IRS2: variants seen among roughly 807,000 people sequenced by gnomAD.
IRS2 encodes the protein insulin receptor substrate 2.
IRS2 carries 28 observed loss-of-function variants against 70.9 expected under a neutral mutation model. The observed-to-expected ratio is 0.39, with a 90% CI of 0.29 to 0.54. IRS2 has a LOEUF of 0.54. IRS2 is among the 20% of genes least tolerant of loss of function. The probability of loss-of-function intolerance (pLI) is 0.59; values close to 1 mark genes in which losing one functional copy is unlikely to be tolerated. For synonymous variants in IRS2, 1,217 were observed against 981.9 expected, an observed-to-expected ratio of 1.24 and a Z score of -4.48; for missense variants, 2,081 against 2,024.1, an observed-to-expected ratio of 1.03 and a Z score of -0.54.
rs765890903 is a variant in IRS2, at chr13:109,784,443, A to G, written c.1611T>C (p.Gly537=). ...TPPARDGGGG[G]EFYGYMTMDR... ...CCATGGTCATGTACCCGTAGAACTC[A>G]CCGCCGCCGCCGCCGTCTCGGGCCG... The change falls in exon 1 of 2, where the codon GGT becomes GGC. Residue 537 remains glycine, a synonymous_variant. Transcript: ENST00000375856. This position sits in a 1 kb window ranked among gnomAD's most constrained non-coding sequence, Gnocchi z 5.2. The G allele has an allele frequency of 6.3e-6, 10 of 1,583,538 alleles. No individual in the cohort carries two copies. In the African/African-American group the frequency reaches 9.5e-5, roughly 15 times the overall value.
At chr13:109,761,795 G>A (rs1313420600) in intron 1 of IRS2, among the ~76,000 whole-genome samples, 1 of 152,132 alleles carries the variant, frequency 6.6e-6, no homozygotes, top group Non-Finnish European at 1.5e-5. Context: ...TTTTCTATGA[G>A]CTCATCACTT....
chr13:109,764,790 T>G (rs1877300188), intron 1 of IRS2, among the ~76,000 whole-genome samples: 1 of 152,212 alleles, frequency 6.6e-6, no homozygotes, highest in Non-Finnish European at 1.5e-5. Context: ...CAACCACAAC[T>G]GCAAGCAGCA....
intron 1 of IRS2, among the ~76,000 whole-genome samples, chr13:109,766,740 G>A (rs561770012): frequency 4.4e-5 from 5 of 112,956 alleles, no homozygotes; most frequent in African/African-American, 1.2e-4. Context: ...CAAGCATGTA[G>A]ATATCCCAGC....
At chr13:109,759,766 T>G (rs537957816) in intron 1 of IRS2, among the ~76,000 whole-genome samples, 1 of 152,226 alleles carries the variant, frequency 6.6e-6, no homozygotes. Context: ...GAGGGCTCTC[T>G]GTAGTTCACA....
rs1012083672 is a variant in IRS2 at position 109,754,817 on chromosome 13, T to A, written c.*1487A>T. 4 of 191,998 alleles carry A rather than the reference T, an allele frequency of 2.1e-5. No individual in the cohort carries two copies. Among genetic ancestry groups the A allele is most frequent in the Non-Finnish European group, 3.3e-5 (3 of 91,900 alleles). 11.9% of individuals were successfully genotyped at this position (191,998 alleles called of 1,614,324 possible). ...ATGCATTATTCTATAGCGATAGATA[T>A]CTATTATATATTTATATATATTTTT... On this transcript the variant is annotated 3_prime_UTR_variant, in exon 2 of 2. Transcript: ENST00000375856.
At chr13:109,770,420 G>C (rs538534221) in intron 1 of IRS2, among the ~76,000 whole-genome samples, 1 of 152,182 alleles carries the variant, frequency 6.6e-6, no homozygotes, top group Non-Finnish European at 1.5e-5. Flanking sequence ...TCTAGGAATC[G>C]GGATAGCAGC....
intron 1 of IRS2, among the ~76,000 whole-genome samples, chr13:109,765,529 A>ATCC (rs1877317645): frequency 1.5e-5 from 2 of 137,574 alleles, no homozygotes; most frequent in South Asian, 2.5e-4. Context: ...TCCCAGCCTC[A>ATCC]ACCACCCTGA....
chr13:109,777,755 T>C (rs1396725203), intron 1 of IRS2, among the ~76,000 whole-genome samples: 1 of 152,186 alleles, frequency 6.6e-6, no homozygotes, highest in East Asian at 1.9e-4. Flanking sequence ...TAAAAACCAG[T>C]AATAAAAGGT....
chr13:109,776,637 A>G (rs1355823089), intron 1 of IRS2, among the ~76,000 whole-genome samples: 2 of 152,216 alleles, frequency 1.3e-5, no homozygotes, highest in East Asian at 3.8e-4. Context: ...CTCTTTCTAC[A>G]CTAACCTTCA....
chr13:109,775,796 AC>A (rs1171951659), intron 1 of IRS2, among the ~76,000 whole-genome samples: 2 of 137,962 alleles, frequency 1.4e-5, no homozygotes, highest in South Asian at 2.4e-4. Context: ...ACACACACAC[AC>A]ACCAGCCCCA....
intron 1 of IRS2, among the ~76,000 whole-genome samples, chr13:109,764,118 G>A (rs1877285434): frequency 6.6e-6 from 1 of 152,142 alleles, no homozygotes; most frequent in African/African-American, 2.4e-5. Context: ...TGAAGCGCAG[G>A]CTCTCTTTGC....
chr13:109,783,073 G>A lies in IRS2; in HGVS notation c.2981C>T (p.Pro994Leu), dbSNP rs1049519615. The A allele has an allele frequency of 4.3e-6, 6 of 1,379,824 alleles. No homozygotes were observed. Among genetic ancestry groups the A allele is most frequent in the African/African-American group, 1.5e-5 (1 of 65,656 alleles). The allele number at this position is 1,379,824 out of a possible 1,614,324, so 85.5% of individuals were successfully genotyped here. A position where few individuals can be genotyped will look rare whatever the true frequency, so the allele number is the denominator to read the frequency against. Residue 994 changes from proline (P) to leucine (L), a missense_variant, in exon 1 of 2, where the codon CCG becomes CTG. Pro to Leu is a moderately conservative substitution (Grantham distance 98). Coordinates refer to ENST00000375856, the MANE Select transcript of IRS2 (RefSeq NM_003749.3). ...SSPKSPKPGA[P>L]SGHPVGSLDG... Reference sequence around the variant, plus strand: ...CAAGGAGCCCACGGGGTGGCCGCTCGGGGCGCCCGGCTTAGGAGACTTGGG... The same window carrying A: ...CAAGGAGCCCACGGGGTGGCCGCTCAGGGCGCCCGGCTTAGGAGACTTGGG...
Position 109,783,595 on chromosome 13 carries a change from C to A in IRS2, c.2459G>T (p.Ser820Ile). 1.3e-6 allele frequency: 2 copies of A among 1,546,000 alleles called. No individual in the cohort carries two copies. The highest frequency in any genetic ancestry group is 8.7e-7 in the Non-Finnish European group (1 of 1,143,696). Residue 820 changes from serine to isoleucine, a missense_variant, in exon 1 of 2, where the codon AGC (serine) becomes ATC (isoleucine). Ser to Ile is a moderately radical substitution (Grantham distance 142). Transcript: ENST00000375856. ...YKAPYTCGGD[S>I]DQYVLMSSPV... ...GGAGCTCATGAGCACGTACTGGTCG[C>A]TGTCCCCGCCACAGGTGTAGGGGGC...
At position 109,784,754 on chromosome 13, in the gene IRS2, G is replaced by A. The variant is rs1877860938; in HGVS notation, c.1300C>T (p.Pro434Ser). 2.4e-6 allele frequency: 3 copies of A among 1,240,430 alleles called. No individual in the cohort carries two copies. The East Asian group carries it at 1.0e-4, about 42-fold the overall frequency. 76.8% of individuals were successfully genotyped at this position (1,240,430 alleles called of 1,614,324 possible). Reference protein sequence around the residue: ...ALQHSRSMSMPVAHSPPAATS... With the variant: ...ALQHSRSMSMSVAHSPPAATS... ...GCGGCGGGCGGCGAGTGCGCCACGG[G>A]CATGGACATGGAGCGGCTGTGTTGC... The change falls in exon 1 of 2, where the codon CCC becomes TCC. Residue 434 changes from proline to serine, a missense_variant. Around this residue, in one of 4 missense-constraint regions of IRS2, gnomAD observed 1,615 missense variants for 1,459.5 expected, o/e 1.11. Transcript: ENST00000375856. This position sits in a 1 kb window ranked among gnomAD's most constrained non-coding sequence, Gnocchi z 5.2.
Position 109,781,598 on chromosome 13 carries a change from C to T in IRS2, c.4012+444G>A, listed in dbSNP as rs375020139. ...ACCAAGAATCAGGCGGAGCCCAGCT[C>T]CAGGAACACAGGGAAAGGTGAAAGC... On this transcript the variant is annotated intron_variant, in intron 1 of 1. Transcript: ENST00000375856. Among the ~76,000 whole-genome samples, 5 of 152,296 alleles carry T rather than the reference C, an allele frequency of 3.3e-5. No individual in the cohort carries two copies. In the South Asian group the frequency reaches 8.3e-4, roughly 25 times the overall value.
Position 109,783,226 on chromosome 13 carries a change from G to A in IRS2, c.2828C>T (p.Ala943Val), listed in dbSNP as rs2138932046. The A allele has an allele frequency of 6.9e-7, 1 of 1,442,134 alleles. No homozygotes were observed. The highest frequency in any genetic ancestry group is 9.1e-7 in the Non-Finnish European group (1 of 1,100,466). The allele number at this position is 1,442,134 out of a possible 1,614,324, so 89.3% of individuals were successfully genotyped here. The part of the protein sequence containing the change: ...PPAPPLLASA[A>V]SSSSLLSASS... ...GGCGGACAAGAGCGAGGAGGACGAGGCCGCCGACGCCAGCAGGGGAGGCGC... is the reference window on the plus strand; with the variant it reads ...GGCGGACAAGAGCGAGGAGGACGAGACCGCCGACGCCAGCAGGGGAGGCGC... Residue 943 changes from alanine to valine, a missense_variant, in exon 1 of 2, where the codon GCC becomes GTC. Transcript: ENST00000375856.
chr13:109,775,910 G>C (rs1418592542), intron 1 of IRS2, among the ~76,000 whole-genome samples: 3 of 152,158 alleles, frequency 2.0e-5, no homozygotes, highest in African/African-American at 2.4e-5. Flanking sequence ...AGCACTTTGA[G>C]AGGCTGAGGC....
At chr13:109,772,781 C>T (rs1447089578) in intron 1 of IRS2, among the ~76,000 whole-genome samples, 3 of 151,550 alleles carry the variant, frequency 2.0e-5, no homozygotes, top group South Asian at 2.1e-4. Flanking sequence ...CTGCAAGCTC[C>T]GCTTCCCGGG....
rs1200665897 is a variant in IRS2, at chr13:109,772,710, A to T, written c.4012+9332T>A. 2.3e-5 allele frequency among the ~76,000 whole-genome samples: 3 copies of T among 132,400 alleles called. No homozygotes were observed. The South Asian group carries it at 7.0e-4, about 31-fold the overall frequency. The allele number at this position is 132,400 out of a possible 152,430, so 86.9% of individuals were successfully genotyped here. A position where few individuals can be genotyped will look rare whatever the true frequency, so the allele number is the denominator to read the frequency against. On this transcript the variant is annotated intron_variant, in intron 1 of 1. Transcript: ENST00000375856. ...TACATTTTTTTTTTTTTTTTTTGAG[A>T]CGGAGTCTCGCTCTGTCGGCCAGGC...
Sources: allele counts gnomAD v4.1 joint callset (sites outside exome capture counted in the v4.1 genomes callset), GRCh38; gene constraint gnomAD v4.1.1; regional missense constraint gnomAD v4.1.1; non-coding constraint Gnocchi (gnomAD v3.1); transcripts MANE v1.5; gene names NCBI Gene and HGNC (gene_info 2026-07-23, HGNC 2026-07-21).